Variants in COL25A1 observed in about 807,000 individuals in gnomAD.
COL25A1 encodes the protein collagen type XXV alpha 1 chain, also known as collagen alpha-1(XXV) chain.
COL25A1 carries 103 observed loss-of-function variants against 128.4 expected under a neutral mutation model. That is an observed-to-expected ratio of 0.80 (90% CI 0.68 to 0.94). The LOEUF is 0.94. Among genes scored for constraint, COL25A1 ranks in the 40% least tolerant of loss-of-function variants. The pLI is 0.00. For synonymous variants in COL25A1, 279 were observed against 277.2 expected (o/e 1.01, Z -0.06); for missense variants, 745 against 840.0 (o/e 0.89, Z 1.40).
At position 109,247,642 on chromosome 4, in the gene COL25A1, G is replaced by C. The variant is rs537787058; in HGVS notation, c.367+52941C>G. Among the ~76,000 whole-genome samples, 11 of 152,272 alleles carry C rather than the reference G, an allele frequency of 7.2e-5. No individual in the cohort carries two copies. The East Asian group carries it at 2.1e-3, about 29-fold the overall frequency. ...ATACTGAAAAAACAGTAAATAGATA[G>C]ATAGAGGAGGAGCATATTTAGCAGA... On this transcript the variant is annotated intron_variant, in intron 3 of 37. Transcript: ENST00000399132.
intron 3 of COL25A1, among the ~76,000 whole-genome samples, chr4:109,297,686 G>A (rs1725105395): frequency 6.6e-6 from 1 of 151,756 alleles, no homozygotes; most frequent in Admixed American, 6.6e-5. Flanking sequence ...AACATCTCCA[G>A]GTCTCAGTTT....
intron 8 of COL25A1, among the ~76,000 whole-genome samples, chr4:108,947,790 C>G (rs1244973695): frequency 1.3e-5 from 2 of 152,150 alleles, no homozygotes; most frequent in Non-Finnish European, 2.9e-5. Flanking sequence ...GCCAGTGTCA[C>G]TGACAATGGC....
intron 8 of COL25A1, among the ~76,000 whole-genome samples, chr4:108,963,113 C>T (rs10009816): frequency 0.19 from 29,008 of 152,142 alleles, 3,255 homozygotes; most frequent in East Asian, 0.39. Context: ...TGAACATCAT[C>T]TGTCAATGCA....
Position 108,813,238 on chromosome 4 carries a change from G to A in COL25A1, c.*689C>T, listed in dbSNP as rs937096177. The stretch of plus-strand genomic sequence containing the variant: ...ACTGGAAGCTGTAGATCTGCAGTCA[G>A]GACTGCAACTCCCTCAAAATACAAG... On this transcript the variant is annotated 3_prime_UTR_variant, in exon 38 of 38. Transcript: ENST00000399132. 2.0e-5 allele frequency: 3 copies of A among 152,236 alleles called. No homozygotes were observed. The highest frequency in any genetic ancestry group is 4.8e-5 in the African/African-American group (2 of 41,460). The allele number at this position is 152,236 out of a possible 1,614,324, so 9.4% of individuals were successfully genotyped here. A position where few individuals can be genotyped will look rare whatever the true frequency, so the allele number is the denominator to read the frequency against.
chr4:108,822,340 G>A (rs552287265), intron 35 of COL25A1, among the ~76,000 whole-genome samples: 2 of 152,040 alleles, frequency 1.3e-5, no homozygotes, highest in Admixed American at 6.6e-5. Flanking sequence ...CACCACGCCC[G>A]GCGGTAATAT....
At chr4:109,022,280 A>G in intron 5 of COL25A1, 5 of 405,538 alleles carry the variant, frequency 1.2e-5, no homozygotes, top group Non-Finnish European at 2.5e-5. Flanking sequence ...AAGAACCTAC[A>G]CTGAAATATT....
At chr4:108,964,180 G>A (rs976690343) in intron 8 of COL25A1, among the ~76,000 whole-genome samples, 7 of 150,666 alleles carry the variant, frequency 4.6e-5, no homozygotes, top group South Asian at 2.1e-4. Context: ...TACATATGAA[G>A]GTCACTGTAC....
chr4:108,928,008 T>C lies in COL25A1; in HGVS notation c.709-7404A>G, dbSNP rs531042989. ...CACTAAAATTAGCTCACTCCAGCCC[T>C]TCTAAATATTTAATAAATTGCTTCG... On this transcript the variant is annotated intron_variant, in intron 11 of 37. Coordinates refer to ENST00000399132, the MANE Select transcript of COL25A1 (RefSeq NM_198721.4). Among the ~76,000 whole-genome samples, 19 of 152,302 alleles carry C rather than the reference T, an allele frequency of 1.2e-4. No homozygotes were observed. The South Asian group carries it at 3.7e-3, about 30-fold the overall frequency.
chr4:109,227,206 A>T (rs953252551), intron 3 of COL25A1, among the ~76,000 whole-genome samples: 1 of 152,144 alleles, frequency 6.6e-6, no homozygotes, highest in African/African-American at 2.4e-5. Context: ...TACAATTCTT[A>T]TCCACAGAGT....
intron 3 of COL25A1, among the ~76,000 whole-genome samples, chr4:109,136,348 G>A (rs949950010): frequency 3.3e-5 from 5 of 152,128 alleles, no homozygotes; most frequent in East Asian, 1.9e-4. Context: ...GCAGTGAGCC[G>A]AGATCATGAC....
chr4:109,146,201 G>A (rs1370064173), intron 3 of COL25A1, among the ~76,000 whole-genome samples: 1 of 152,098 alleles, frequency 6.6e-6, no homozygotes, highest in African/African-American at 2.4e-5. Flanking sequence ...CCATGATTAA[G>A]AAGTAACTGT....
At chr4:109,253,214 T>C (rs1466924012) in intron 3 of COL25A1, among the ~76,000 whole-genome samples, 2 of 152,122 alleles carry the variant, frequency 1.3e-5, no homozygotes, top group Non-Finnish European at 2.9e-5. Flanking sequence ...AATATGATGA[T>C]GTAAGGAGAT....
At chr4:109,102,731 C>A (rs1766018888) in intron 3 of COL25A1, among the ~76,000 whole-genome samples, 1 of 151,884 alleles carries the variant, frequency 6.6e-6, no homozygotes, top group Admixed American at 6.6e-5. Flanking sequence ...ATGAAATGAC[C>A]CATTTGTCAC....
chr4:109,268,388 A>C (rs758694092), intron 3 of COL25A1, among the ~76,000 whole-genome samples: 13 of 152,130 alleles, frequency 8.5e-5, no homozygotes, highest in Non-Finnish European at 1.5e-4. Flanking sequence ...CCACTGCCCA[A>C]GTTTATAAAG....
intron 6 of COL25A1, among the ~76,000 whole-genome samples, chr4:109,010,137 T>C (rs1756434520): frequency 6.6e-6 from 1 of 152,238 alleles, no homozygotes; most frequent in African/African-American, 2.4e-5. Context: ...CTTTATATGA[T>C]AGTACATTGT....
chr4:108,859,722 A>T lies in COL25A1; in HGVS notation c.1254T>A (p.Gly418=). 1.2e-6 allele frequency: 2 copies of T among 1,613,710 alleles called. No individual in the cohort carries two copies. Among genetic ancestry groups the T allele is most frequent in the Non-Finnish European group, 1.7e-6 (2 of 1,179,834 alleles). ...CAGTGGCTCCTTGATCCCCTTTTTG[A>T]CCAGGTGGACCCTATGACAAAACCA... ...SGAQGPRGPP[G]QKGDQGATEI... is the part of the protein sequence containing the mutation. Residue 418 remains glycine, a synonymous_variant, in exon 24 of 38, where the codon GGT becomes GGA. Transcript: ENST00000399132.
chr4:109,073,956 G>A (rs988459633), intron 3 of COL25A1, among the ~76,000 whole-genome samples: 1 of 152,172 alleles, frequency 6.6e-6, no homozygotes, highest in Non-Finnish European at 1.5e-5. Flanking sequence ...ACAAAAAGAT[G>A]TAGATTATTT....
At chr4:109,132,312 T>C (rs1379697757) in intron 3 of COL25A1, among the ~76,000 whole-genome samples, 1 of 152,152 alleles carries the variant, frequency 6.6e-6, no homozygotes, top group Non-Finnish European at 1.5e-5. Flanking sequence ...ATAATTTCAC[T>C]CCCAGATTCT....
intron 3 of COL25A1, among the ~76,000 whole-genome samples, chr4:109,276,115 T>G (rs1290335448): frequency 6.6e-6 from 1 of 152,144 alleles, no homozygotes; most frequent in Non-Finnish European, 1.5e-5. Context: ...AGGATAAAGA[T>G]TGTCTTATTT....
Sources: allele counts gnomAD v4.1 joint callset (sites outside exome capture counted in the v4.1 genomes callset), GRCh38; gene constraint gnomAD v4.1.1; transcripts MANE v1.5; gene names NCBI Gene and HGNC (gene_info 2026-07-23, HGNC 2026-07-21).